The following IL12RB2 variants were observed in gnomAD, a reference collection of about 807,000 sequenced individuals.
The protein encoded by IL12RB2 is interleukin 12 receptor subunit beta 2, also known as interleukin-12 receptor subunit beta-2.
A neutral mutation model predicts 89.4 loss-of-function variants in IL12RB2; 82 were observed. That is an observed-to-expected ratio of 0.92 (90% CI 0.77 to 1.10). The LOEUF (loss-of-function observed/expected upper bound fraction) is 1.10. Ranked by LOEUF, IL12RB2 falls within the 50% of genes least tolerant of loss-of-function variation. The pLI is 0.00. For missense variants in IL12RB2, 963 were observed against 1,031.9 expected (o/e 0.93, Z 0.92); for synonymous variants, 368 against 370.1 (o/e 0.99, Z 0.07).
At chr1:67,384,843 A>G (rs1255463878) in intron 14 of IL12RB2, among the ~76,000 whole-genome samples, 3 of 152,170 alleles carry the variant, frequency 2.0e-5, no homozygotes, top group Non-Finnish European at 4.4e-5. Context: ...TCCATCTGAG[A>G]CCACCTCATT....
intron 9 of IL12RB2, among the ~76,000 whole-genome samples, chr1:67,342,780 G>GTTTT (rs1659801734): frequency 1.0e-5 from 1 of 95,588 alleles, no homozygotes; most frequent in African/African-American, 3.3e-5. Flanking sequence ...TTTTTTTTGA[G>GTTTT]ACAGGGTGTC....
intron 10 of IL12RB2, among the ~76,000 whole-genome samples, chr1:67,361,964 C>T (rs149907887): frequency 1.5e-3 from 227 of 152,312 alleles, no homozygotes; most frequent in African/African-American, 4.4e-3. Context: ...AGAATTACAT[C>T]TAACTTCTTC....
chr1:67,368,901 G>C (rs1662991092), intron 11 of IL12RB2, among the ~76,000 whole-genome samples: 1 of 152,126 alleles, frequency 6.6e-6, no homozygotes. Context: ...TATTTTAAGG[G>C]CTCAGTAATT....
At chr1:67,367,076 C>A (rs1011326313) in intron 10 of IL12RB2, among the ~76,000 whole-genome samples, 7 of 152,056 alleles carry the variant, frequency 4.6e-5, no homozygotes, top group African/African-American at 1.7e-4. Flanking sequence ...AAAGATTAGG[C>A]ACCTTTGAGG....
intron 9 of IL12RB2, among the ~76,000 whole-genome samples, chr1:67,342,050 G>C (rs942672038): frequency 1.3e-5 from 2 of 152,166 alleles, no homozygotes; most frequent in Non-Finnish European, 2.9e-5. Context: ...TCTCAGGCAG[G>C]CTTGGGAATT....
chr1:67,373,605 GTGT>G (rs977049534), intron 13 of IL12RB2, among the ~76,000 whole-genome samples: 25 of 152,220 alleles, frequency 1.6e-4, no homozygotes, highest in Non-Finnish European at 3.5e-4. Context: ...TCTAGCTAGA[GTGT>G]TGTCTCAAAT....
intron 1 of IL12RB2, among the ~76,000 whole-genome samples, chr1:67,311,637 A>G (rs1655076658): frequency 1.3e-5 from 2 of 152,220 alleles, no homozygotes; most frequent in Admixed American, 6.5e-5. Context: ...CTATTTTGCA[A>G]TGATATGCAG....
intron 16 of IL12RB2, among the ~76,000 whole-genome samples, chr1:67,392,206 T>G (rs552480329): frequency 6.6e-6 from 1 of 152,326 alleles, no homozygotes; most frequent in African/African-American, 2.4e-5. Flanking sequence ...GGTATACATA[T>G]GCCCAAAGTT....
Position 67,330,670 on chromosome 1 carries a change from C to A in IL12RB2, c.818C>A (p.Thr273Lys). The A allele has an allele frequency of 1.3e-6, 2 of 1,531,364 alleles. No individual in the cohort carries two copies. The highest frequency in any genetic ancestry group is 1.7e-5 in the Admixed American group (1 of 59,682). 94.9% of individuals were successfully genotyped at this position (1,531,364 alleles called of 1,614,324 possible). ...NSRLWNMVNV[T>K]KAKGRHDLLD... ...AATGTCTGTTTCAAGGTTAATGTTA[C>A]AAAGGCCAAAGGAAGACATGATTTG... is the stretch of plus-strand genomic sequence containing the variant. The change falls in exon 8 of 17, where the codon ACA (threonine) becomes AAA (lysine). Residue 273 changes from threonine (T) to lysine (K), a missense_variant. Coordinates refer to ENST00000674203, the MANE Select transcript of IL12RB2 (RefSeq NM_001374259.2).
At chr1:67,395,217 A>G (rs7555499) in intron 16 of IL12RB2, among the ~76,000 whole-genome samples, 88,627 of 151,522 alleles carry the variant, frequency 0.58, 27,859 homozygotes, top group Non-Finnish European at 0.7. Context: ...ACAGGGAGCC[A>G]AGATCATGCC....
chr1:67,395,732 G>T lies in IL12RB2; in HGVS notation c.2232G>T (p.Met744Ile). Reference protein sequence around the residue: ...QGHQASEKDMMHSASSPPPPR... With the variant: ...QGHQASEKDMIHSASSPPPPR... ...ATCAGGCCTCTGAGAAAGACATGAT[G>T]CACAGTGCCTCAAGCCCACCACCTC... The change falls in exon 17 of 17, where the codon ATG (methionine) becomes ATT (isoleucine). Residue 744 changes from methionine to isoleucine, a missense_variant. Physicochemically the swap from Met to Ile is conservative, Grantham distance 10. Transcript: ENST00000674203. 2 of 1,614,100 alleles carry T rather than the reference G, an allele frequency of 1.2e-6. No homozygotes were observed. Among genetic ancestry groups the T allele is most frequent in the Non-Finnish European group, 1.7e-6 (2 of 1,179,948 alleles).
intron 1 of IL12RB2, among the ~76,000 whole-genome samples, chr1:67,311,935 C>T (rs957325450): frequency 9.2e-5 from 14 of 152,182 alleles, no homozygotes; most frequent in Non-Finnish European, 1.5e-5. Flanking sequence ...TGAAGCAAAA[C>T]TTGGCCAGGA....
intron 1 of IL12RB2, among the ~76,000 whole-genome samples, chr1:67,308,933 T>C (rs1000901388): frequency 1.6e-4 from 24 of 151,938 alleles, no homozygotes; most frequent in Non-Finnish European, 2.2e-4. Flanking sequence ...GGCAGGAGAA[T>C]TGCTTGAACC....
At chr1:67,377,618 A>G (rs1279038301) in intron 13 of IL12RB2, among the ~76,000 whole-genome samples, 1 of 152,102 alleles carries the variant, frequency 6.6e-6, no homozygotes, top group Non-Finnish European at 1.5e-5. Flanking sequence ...TTTCACATGT[A>G]AAATGTAGAT....
intron 8 of IL12RB2, among the ~76,000 whole-genome samples, chr1:67,335,951 G>C (rs1658705410): frequency 6.6e-6 from 1 of 152,180 alleles, no homozygotes; most frequent in Non-Finnish European, 1.5e-5. Context: ...TCTTAGCTCT[G>C]TAATAATCTG....
At chr1:67,376,109 G>T (rs1213245910) in intron 13 of IL12RB2, among the ~76,000 whole-genome samples, 1 of 152,070 alleles carries the variant, frequency 6.6e-6, no homozygotes, top group East Asian at 1.9e-4. Flanking sequence ...GCCTCCCAAA[G>T]TGCTGGGATT....
At position 67,367,845 on chromosome 1, in the gene IL12RB2, G is replaced by A. The variant is rs1247663435; in HGVS notation, c.1279G>A (p.Val427Ile). Residue 427 changes from valine to isoleucine, a missense_variant, in exon 11 of 17, where the codon GTC (valine) becomes ATC (isoleucine). By Grantham distance (29) the Val-to-Ile change is conservative (BLOSUM62 3). Coordinates refer to ENST00000674203, the MANE Select transcript of IL12RB2 (RefSeq NM_001374259.2). ...TAAAGGGTTGCTGGCTCCTCGCCAG[G>A]TCTCTGCAAACTCAGAGGGCATGGA... ...CEAGLLAPRQ[V>I]SANSEGMDNI... is the part of the protein sequence containing the mutation. The A allele has an allele frequency of 6.3e-7, 1 of 1,597,254 alleles. No homozygotes were observed.
chr1:67,352,101 T>C (rs1327571398), intron 10 of IL12RB2, among the ~76,000 whole-genome samples: 1 of 152,196 alleles, frequency 6.6e-6, no homozygotes, highest in East Asian at 1.9e-4. Context: ...CATATATCTG[T>C]ACAAAGAAAT....
At chr1:67,331,511 A>T in intron 8 of IL12RB2, among the ~76,000 whole-genome samples, 1 of 152,308 alleles carries the variant, frequency 6.6e-6, no homozygotes, top group African/African-American at 2.4e-5. Flanking sequence ...ATCTTTGGAG[A>T]CACAAGAAAT....
Sources: gnomAD v4.1 joint callset for allele counts (sites outside exome capture counted in the v4.1 genomes callset) on GRCh38, gnomAD v4.1.1 for gene constraint, MANE v1.5 for transcripts, NCBI Gene and HGNC (gene_info 2026-07-23, HGNC 2026-07-21) for gene names.